The following ITM2C variants were observed in gnomAD, a reference collection of about 807,000 sequenced individuals.
ITM2C encodes the protein BRICHOS domain containing 2C.
Under a neutral mutation model 30.0 loss-of-function variants are expected in ITM2C, and 20 were observed. That is an observed-to-expected ratio of 0.67 (90% CI 0.47 to 0.97). The LOEUF (loss-of-function observed/expected upper bound fraction) is 0.97. Among genes scored for constraint, ITM2C ranks in the 50% least tolerant of loss-of-function variants. The pLI is 0.00. For missense variants in ITM2C, 366 were observed against 371.9 expected (o/e 0.98, Z 0.13); for synonymous variants, 167 against 156.4 (o/e 1.07, Z -0.51).
chr2:230,864,453 C>G (rs1386336390), upstream of ITM2C, among the ~76,000 whole-genome samples: 1 of 152,142 alleles, frequency 6.6e-6, no homozygotes. This position sits in a 1 kb window ranked among gnomAD's most constrained non-coding sequence, Gnocchi z 4.3. Flanking sequence ...CTCAAAGCCT[C>G]CTCCCCGCGC....
rs1399978551 is a variant in ITM2C, at chr2:230,879,178, C to T, written c.*1079C>T. The T allele has an allele frequency of 6.6e-6, 1 of 152,602 alleles. No homozygotes were observed. The highest frequency in any genetic ancestry group is 2.4e-5 in the African/African-American group (1 of 41,434). The allele number at this position is 152,602 out of a possible 1,614,324, so 9.5% of individuals were successfully genotyped here. A position where few individuals can be genotyped will look rare whatever the true frequency, so the allele number is the denominator to read the frequency against. On this transcript the variant is annotated 3_prime_UTR_variant, in exon 6 of 6. Transcript: ENST00000326427. ...TCTCTGGGGATGAAACTCTTAAATGCTTTGTATATTTTCTCAATTAGATCT... is the reference window on the plus strand; with the variant it reads ...TCTCTGGGGATGAAACTCTTAAATGTTTTGTATATTTTCTCAATTAGATCT...
At chr2:230,871,319 A>G (rs1296028699) in intron 1 of ITM2C, among the ~76,000 whole-genome samples, 5 of 152,226 alleles carry the variant, frequency 3.3e-5, no homozygotes, top group African/African-American at 1.2e-4. Flanking sequence ...GGAGCGCCAG[A>G]GGGGCAGGAG....
chr2:230,867,673 T>A lies in ITM2C; in HGVS notation c.120+2528T>A, dbSNP rs577715003. Among the ~76,000 whole-genome samples the A allele has an allele frequency of 1.7e-3, 255 of 151,212 alleles. 1 individual carries two copies. In the Middle Eastern group the frequency reaches 0.02, roughly 12 times the overall value. ...TATCTATTTTATTTTATTTTATTTT[T>A]TTTTTTGAGACAGAGTCTCACTTTT... On this transcript the variant is annotated intron_variant, in intron 1 of 5. Coordinates refer to ENST00000326427, the MANE Select transcript of ITM2C (RefSeq NM_030926.6).
upstream of ITM2C, chr2:230,864,782 C>T (rs1223377115): frequency 8.3e-6 from 2 of 240,442 alleles, no homozygotes. The surrounding 1 kb of genome is among the most constrained non-coding windows in gnomAD (Gnocchi z 4.3). Flanking sequence ...CGACCCGCCC[C>T]AGGTGCGGAG....
rs561117835 is a variant in ITM2C at position 230,873,519 on chromosome 2, G to C, written c.223G>C (p.Ala75Pro). The part of the protein sequence containing the change: ...MVVLLMGLVF[A>P]SVYIYRYFFL... ...CGTGCTGCTCATGGGCCTCGTGTTC[G>C]CCTCTGTCTACATCTACAGATACTT... Residue 75 changes from alanine to proline, a missense_variant, in exon 2 of 6, where the codon GCC (alanine) becomes CCC (proline). Ala to Pro is a conservative substitution (Grantham distance 27, BLOSUM62 -1). Coordinates refer to ENST00000326427, the MANE Select transcript of ITM2C (RefSeq NM_030926.6). 5.0e-6 allele frequency: 8 copies of C among 1,610,506 alleles called. No homozygotes were observed. Among genetic ancestry groups the C allele is most frequent in the Non-Finnish European group, 5.9e-6 (7 of 1,178,570 alleles).
intron 3 of ITM2C, 56 bp from the exon 4 acceptor site, chr2:230,876,801 T>A (rs1416974942): frequency 8.1e-7 from 1 of 1,240,060 alleles, no homozygotes; most frequent in African/African-American, 1.5e-5. Context: ...CTTGCAGCCC[T>A]GCCTGGGTCA....
rs1478655130 is a variant in ITM2C, at chr2:230,878,870, T to TCACGTC, written c.*776_*781dup. On this transcript the variant is annotated 3_prime_UTR_variant, in exon 6 of 6. Transcript: ENST00000326427. This position sits in a 1 kb window ranked among gnomAD's most constrained non-coding sequence, Gnocchi z 4.5. ...CGGGGCAGGCAAGGTCACTGCTCAG[T>TCACGTC]CACGTCCACGGGGGACGAGCCGTGG... 1.3e-5 allele frequency: 2 copies of TCACGTC among 152,604 alleles called. No homozygotes were observed. Among genetic ancestry groups the TCACGTC allele is most frequent in the African/African-American group, 4.8e-5 (2 of 41,452 alleles). 9.5% of individuals were successfully genotyped at this position (152,604 alleles called of 1,614,324 possible).
chr2:230,870,501 A>G (rs890473952), intron 1 of ITM2C, among the ~76,000 whole-genome samples: 1 of 152,204 alleles, frequency 6.6e-6, no homozygotes, highest in Non-Finnish European at 1.5e-5. Context: ...CAGCAGGGCC[A>G]TGAGAGAGAA....
chr2:230,873,551 T>C lies in ITM2C; in HGVS notation c.255T>C (p.Leu85=), dbSNP rs200097393. ...TCTACATCTACAGATACTTCTTCCTTGCGCAGGTGAGGGGCCGGGCCAGGT... is the reference window on the plus strand; with the variant it reads ...TCTACATCTACAGATACTTCTTCCTCGCGCAGGTGAGGGGCCGGGCCAGGT... The part of the protein sequence containing the change: ...ASVYIYRYFF[L]AQLARDNFFR... Residue 85 remains leucine (L), a synonymous_variant, in exon 2 of 6, where the codon CTT becomes CTC. Coordinates refer to ENST00000326427, the MANE Select transcript of ITM2C (RefSeq NM_030926.6). The C allele has an allele frequency of 1.1e-4, 171 of 1,604,870 alleles. No individual in the cohort carries two copies. Among genetic ancestry groups the C allele is most frequent in the South Asian group, 5.6e-5 (5 of 89,190 alleles).
At chr2:230,871,012 G>T (rs1421006906) in intron 1 of ITM2C, among the ~76,000 whole-genome samples, 3 of 152,228 alleles carry the variant, frequency 2.0e-5, no homozygotes, top group Admixed American at 6.5e-5. Flanking sequence ...AAAAGGAAAG[G>T]CTCGGCTGAT....
At chr2:230,871,313 C>T (rs895334981) in intron 1 of ITM2C, among the ~76,000 whole-genome samples, 12 of 152,244 alleles carry the variant, frequency 7.9e-5, no homozygotes, top group Admixed American at 2.6e-4. Context: ...TGCTCAGGAG[C>T]GCCAGAGGGG....
chr2:230,864,740 GTGA>G (rs1380618079), upstream of ITM2C: 21 of 187,190 alleles, frequency 1.1e-4, no homozygotes, highest in South Asian at 2.0e-4. This position sits in a 1 kb window ranked among gnomAD's most constrained non-coding sequence, Gnocchi z 4.3. Flanking sequence ...GAGCGAGTGA[GTGA>G]CTGTGCGAGC....
Position 230,876,940 on chromosome 2 carries a change from C to A in ITM2C, c.534C>A (p.Asn178Lys), listed in dbSNP as rs144554804. 1.9e-6 allele frequency: 3 copies of A among 1,613,334 alleles called. No individual in the cohort carries two copies. The African/African-American group carries it at 4.0e-5, about 22-fold the overall frequency. Residue 178 changes from asparagine (N) to lysine (K), a missense_variant, in exon 4 of 6, where the codon AAC (asparagine) becomes AAA (lysine). Coordinates refer to ENST00000326427, the MANE Select transcript of ITM2C (RefSeq NM_030926.6). ...LNTTIVLPPRNFWELLMNVKR... is the reference protein window; with the variant it reads ...LNTTIVLPPRKFWELLMNVKR... ...CCACCATTGTGCTGCCCCCTCGCAA[C>A]TTCTGGGAGCTCCTCATGAACGTGA...
Position 230,877,510 on chromosome 2 carries a change from GAA to G in ITM2C, c.674_675del (p.Lys225ArgfsTer110), listed in dbSNP as rs1697335554. The G allele has an allele frequency of 6.2e-7, 1 of 1,613,880 alleles. No homozygotes were observed. Among genetic ancestry groups the G allele is most frequent in the African/African-American group, 1.3e-5 (1 of 74,930 alleles). The part of the protein sequence containing the change: ...GSFIYHLCNG[K>X]DTYRLRRRAT... ...CCTTCATCTACCACCTGTGCAACGG[GAA>G]AGACACCTACCGGCTCCGGCGCCGG... is the stretch of plus-strand genomic sequence containing the variant. On this transcript the variant is annotated frameshift_variant, in exon 5 of 6. Transcript: ENST00000326427. LOFTEE classifies it high-confidence loss of function. This position sits in a 1 kb window ranked among gnomAD's most constrained non-coding sequence, Gnocchi z 4.8.
chr2:230,875,557 C>A, intron 2 of ITM2C, 63 bp from the exon 3 acceptor site: 4 of 1,425,876 alleles, frequency 2.8e-6, no homozygotes, highest in Non-Finnish European at 3.8e-6. Context: ...CAAGAGGGGG[C>A]CTTACGGAGT....
rs1432065410 is a variant in ITM2C, at chr2:230,873,404, T to C, written c.121-13T>C. ...GGCCCTGGCCCCCACTGACCCAGCA[T>C]TGCTATCCACAGGAGGAGCAGCCCC... On this transcript the variant is annotated splice_polypyrimidine_tract_variant and intron_variant, in intron 1 of 5. Coordinates refer to ENST00000326427, the MANE Select transcript of ITM2C (RefSeq NM_030926.6). 1.3e-6 allele frequency: 2 copies of C among 1,547,090 alleles called. No homozygotes were observed. The highest frequency in any genetic ancestry group is 2.0e-5 in the Admixed American group (1 of 50,466).
At chr2:230,870,709 C>T (rs1697143383) in intron 1 of ITM2C, among the ~76,000 whole-genome samples, 1 of 152,234 alleles carries the variant, frequency 6.6e-6, no homozygotes. Flanking sequence ...TCCCCCAGGA[C>T]AGGGAGACAC....
chr2:230,878,333 A>G lies in ITM2C; in HGVS notation c.*234A>G. ...TGGCGGAGGGAGAGGCGATGCTGCA[A>G]AGTGTTTTCTGTGTCCCACTGTCTT... On this transcript the variant is annotated 3_prime_UTR_variant, in exon 6 of 6. Transcript: ENST00000326427. This position sits in a 1 kb window ranked among gnomAD's most constrained non-coding sequence, Gnocchi z 4.5. 2 of 329,506 alleles carry G rather than the reference A, an allele frequency of 6.1e-6. No individual in the cohort carries two copies. The highest frequency in any genetic ancestry group is 1.1e-5 in the Non-Finnish European group (2 of 179,858). 20.4% of individuals were successfully genotyped at this position (329,506 alleles called of 1,614,324 possible).
chr2:230,870,988 C>A (rs1244753918), intron 1 of ITM2C, among the ~76,000 whole-genome samples: 1 of 152,196 alleles, frequency 6.6e-6, no homozygotes, highest in African/African-American at 2.4e-5. Flanking sequence ...CAGCTGTCCA[C>A]AGAGTCAGCC....
Sources: allele counts gnomAD v4.1 joint callset (sites outside exome capture counted in the v4.1 genomes callset), GRCh38; gene constraint gnomAD v4.1.1; non-coding constraint Gnocchi (gnomAD v3.1); transcripts MANE v1.5; gene names NCBI Gene and HGNC (gene_info 2026-07-23, HGNC 2026-07-21).